The following TSHZ2 variants were observed in gnomAD, a reference collection of about 807,000 sequenced individuals.
The protein encoded by TSHZ2 is teashirt homolog 2.
In TSHZ2, 21 loss-of-function variants were observed where a neutral mutation model predicts 74.4. The observed-to-expected ratio is 0.28, with a 90% confidence interval of 0.20 to 0.41. TSHZ2 has a LOEUF of 0.41. Ranked by LOEUF, TSHZ2 falls within the 10% of genes least tolerant of loss-of-function variation. The pLI, the probability that TSHZ2 is intolerant of heterozygous loss-of-function variation, is 1.00. For synonymous variants in TSHZ2, 540 were observed against 515.3 expected (o/e 1.05, Z -0.65); for missense variants, 1,244 against 1,293.5 (o/e 0.96, Z 0.59).
intron 1 of TSHZ2, among the ~76,000 whole-genome samples, chr20:53,019,652 A>G (rs1983165599): frequency 6.6e-6 from 1 of 152,152 alleles, no homozygotes; most frequent in South Asian, 2.1e-4. Context: ...GTGAATATAT[A>G]TTCCACCACT....
At chr20:53,402,673 G>A (rs1280576605) in intron 2 of TSHZ2, among the ~76,000 whole-genome samples, 1 of 152,200 alleles carries the variant, frequency 6.6e-6, no homozygotes, top group Non-Finnish European at 1.5e-5. Context: ...CTGAGAAAGT[G>A]ACATTCGATG....
At chr20:53,167,261 G>A (rs985799179) in intron 1 of TSHZ2, among the ~76,000 whole-genome samples, 1 of 152,224 alleles carries the variant, frequency 6.6e-6, no homozygotes, top group Non-Finnish European at 1.5e-5. Flanking sequence ...TCTACATCAA[G>A]AAGGATATAG....
Position 53,255,885 on chromosome 20 carries a change from G to A in TSHZ2, c.2427G>A (p.Lys809=), listed in dbSNP as rs1301122240. 1 of 1,613,494 alleles carries A rather than the reference G, an allele frequency of 6.2e-7. No homozygotes were observed. The highest frequency in any genetic ancestry group is 2.2e-5 in the East Asian group (1 of 44,884). ...VKVLPKATTP[K]PASSSRVPPM... is the part of the protein sequence containing the mutation. Reference sequence around the variant, plus strand: ...TCCTCCCCAAAGCCACCACCCCAAAGCCAGCCTCCTCCTCCAGGGTCCCCC... The same window carrying A: ...TCCTCCCCAAAGCCACCACCCCAAAACCAGCCTCCTCCTCCAGGGTCCCCC... Residue 809 remains lysine, a synonymous_variant, in exon 2 of 3, where the codon AAG becomes AAA. Transcript: ENST00000371497. This position sits in a 1 kb window ranked among gnomAD's most constrained non-coding sequence, Gnocchi z 4.1.
At chr20:53,297,569 A>G (rs1210824236) in intron 2 of TSHZ2, among the ~76,000 whole-genome samples, 3 of 152,228 alleles carry the variant, frequency 2.0e-5, no homozygotes, top group African/African-American at 7.2e-5. Flanking sequence ...GAGACTTGAT[A>G]TGACTTATAA....
intron 1 of TSHZ2, among the ~76,000 whole-genome samples, chr20:53,066,141 G>A (rs1984976956): frequency 6.6e-6 from 1 of 152,170 alleles, no homozygotes; most frequent in Admixed American, 6.5e-5. Context: ...TGTGGAAGAA[G>A]GAATGGCGGC....
intron 2 of TSHZ2, among the ~76,000 whole-genome samples, chr20:53,293,835 G>A (rs1295409241): frequency 2.0e-5 from 3 of 152,004 alleles, no homozygotes; most frequent in Non-Finnish European, 2.9e-5. Flanking sequence ...GGACAACATG[G>A]TGAAACCCCA....
chr20:53,432,005 T>C (rs966241265), intron 2 of TSHZ2, among the ~76,000 whole-genome samples: 1 of 152,200 alleles, frequency 6.6e-6, no homozygotes, highest in African/African-American at 2.4e-5. Context: ...TAAATAGCTT[T>C]AGGGGTATAC....
At chr20:52,977,708 C>G (rs906152027) in intron 1 of TSHZ2, among the ~76,000 whole-genome samples, 2 of 152,108 alleles carry the variant, frequency 1.3e-5, no homozygotes, top group African/African-American at 4.8e-5. Flanking sequence ...ATCTCAAAAG[C>G]CCATTTGTTT....
chr20:53,163,455 TA>T (rs200728037), intron 1 of TSHZ2, among the ~76,000 whole-genome samples: 1,592 of 144,006 alleles, frequency 0.011, 25 homozygotes, highest in African/African-American at 0.033. Flanking sequence ...TATTTTATTT[TA>T]TTTTTTTTTA....
intron 1 of TSHZ2, among the ~76,000 whole-genome samples, chr20:53,122,746 A>G (rs1248622176): frequency 6.6e-6 from 1 of 152,106 alleles, no homozygotes; most frequent in Non-Finnish European, 1.5e-5. Flanking sequence ...CACACCAAAG[A>G]TATTGAATCC....
chr20:53,437,397 C>T (rs960604253), intron 2 of TSHZ2, among the ~76,000 whole-genome samples: 4 of 152,004 alleles, frequency 2.6e-5, no homozygotes, highest in Admixed American at 6.6e-5. Context: ...TGCTTGAACC[C>T]GGGGGACAGA....
At position 53,158,373 on chromosome 20, in the gene TSHZ2, C is replaced by G. The variant is rs531829289; in HGVS notation, c.41-95126C>G. Reference sequence around the variant, plus strand: ...ACCTGTGAGCAGGTTGACTGCACACCGGTGGATGGACCGTGGTGGGGGTGA... The same window carrying G: ...ACCTGTGAGCAGGTTGACTGCACACGGGTGGATGGACCGTGGTGGGGGTGA... On this transcript the variant is annotated intron_variant, in intron 1 of 2. Coordinates refer to ENST00000371497, the MANE Select transcript of TSHZ2 (RefSeq NM_173485.6). 3.3e-5 allele frequency among the ~76,000 whole-genome samples: 5 copies of G among 152,114 alleles called. No individual in the cohort carries two copies. The South Asian group carries it at 1.0e-3, about 32-fold the overall frequency.
chr20:53,407,042 C>G (rs926216006), intron 2 of TSHZ2, among the ~76,000 whole-genome samples: 1 of 152,184 alleles, frequency 6.6e-6, no homozygotes, highest in Non-Finnish European at 1.5e-5. Flanking sequence ...AAAATGTTCA[C>G]CAGGGAAACA....
intron 2 of TSHZ2, among the ~76,000 whole-genome samples, chr20:53,333,865 C>T (rs1192309079): frequency 6.6e-6 from 1 of 152,220 alleles, no homozygotes; most frequent in Non-Finnish European, 1.5e-5. Context: ...CTTGCATCTC[C>T]ACTTGGTAAC....
chr20:53,342,864 C>A (rs1980265112), intron 2 of TSHZ2, among the ~76,000 whole-genome samples: 1 of 151,578 alleles, frequency 6.6e-6, no homozygotes, highest in African/African-American at 2.4e-5. Context: ...ACTGTACCTA[C>A]TCATCACCTG....
At position 53,255,938 on chromosome 20, in the gene TSHZ2, G is replaced by A. The variant is rs112191590; in HGVS notation, c.2480G>A (p.Arg827His). ...ATGAAGCTGGAAATGGATGTCAGGCGCTTTGAGGATGTCTCCAGTGAAGTC... is the reference window on the plus strand; with the variant it reads ...ATGAAGCTGGAAATGGATGTCAGGCACTTTGAGGATGTCTCCAGTGAAGTC... ...PPMKLEMDVR[R>H]FEDVSSEVST... Residue 827 changes from arginine (R) to histidine (H), a missense_variant, in exon 2 of 3, where the codon CGC becomes CAC. Transcript: ENST00000371497. This position sits in a 1 kb window ranked among gnomAD's most constrained non-coding sequence, Gnocchi z 4.1. The A allele has an allele frequency of 4.8e-5, 78 of 1,614,122 alleles. No individual in the cohort carries two copies. The highest frequency in any genetic ancestry group is 1.9e-4 in the South Asian group (17 of 91,080).
intron 2 of TSHZ2, among the ~76,000 whole-genome samples, chr20:53,472,031 C>T (rs1313123640): frequency 6.6e-6 from 1 of 152,146 alleles, no homozygotes; most frequent in East Asian, 1.9e-4. Flanking sequence ...TCTCAAACTC[C>T]CGATGTCAGG....
At chr20:53,421,740 T>C (rs1462850990) in intron 2 of TSHZ2, 3 of 137,812 alleles carry the variant, frequency 2.2e-5, no homozygotes. Context: ...TGGAGTGCAG[T>C]GGCGCGATCT....
intron 2 of TSHZ2, among the ~76,000 whole-genome samples, chr20:53,259,316 T>A (rs1990552224): frequency 6.6e-6 from 1 of 152,278 alleles, no homozygotes; most frequent in Non-Finnish European, 1.5e-5. Context: ...TTTTCTTTCC[T>A]TTACCAGATA....
Sources: allele counts gnomAD v4.1 joint callset (sites outside exome capture counted in the v4.1 genomes callset), GRCh38; gene constraint gnomAD v4.1.1; non-coding constraint Gnocchi (gnomAD v3.1); transcripts MANE v1.5; gene names NCBI Gene and HGNC (gene_info 2026-07-23, HGNC 2026-07-21).